HDAC9: variants seen among roughly 807,000 people sequenced by gnomAD.
HDAC9 encodes histone deacetylase 9, also known as MEF-2 interacting transcription repressor (MITR) protein.
A neutral mutation model predicts 139.4 loss-of-function variants in HDAC9; 41 were observed. The ratio of observed to expected loss-of-function variants is 0.29; its 90% CI spans 0.23 to 0.38. The LOEUF (loss-of-function observed/expected upper bound fraction) is 0.38. Among genes scored for constraint, HDAC9 ranks in the 10% least tolerant of loss-of-function variants. HDAC9 has a pLI of 1.00. For synonymous variants in HDAC9, 517 were observed against 476.2 expected (o/e 1.09, Z -1.12); for missense variants, 1,147 against 1,297.0 (o/e 0.88, Z 1.78).
chr7:18,636,901 T>G (rs1258982900), intron 8 of HDAC9, among the ~76,000 whole-genome samples: 1 of 152,046 alleles, frequency 6.6e-6, no homozygotes, highest in African/African-American at 2.4e-5. Flanking sequence ...AAATTTTAGA[T>G]TGTTGTTATC....
intron 1 of HDAC9, among the ~76,000 whole-genome samples, chr7:18,096,400 A>G (rs1379040419): frequency 1.3e-5 from 2 of 152,206 alleles, no homozygotes. Context: ...AAACAACATG[A>G]TGAAAATTTG....
intron 1 of HDAC9, among the ~76,000 whole-genome samples, chr7:18,132,004 T>C (rs1785043840): frequency 6.6e-6 from 1 of 152,188 alleles, no homozygotes; most frequent in East Asian, 1.9e-4. Context: ...GAATCACTGC[T>C]TGTTCTGTGG....
chr7:18,543,663 G>T (rs1383602617), intron 2 of HDAC9: 1 of 151,986 alleles, frequency 6.6e-6, no homozygotes, highest in Non-Finnish European at 1.5e-5. Context: ...TACAGTCTTG[G>T]TGAACAAAAA....
At chr7:18,827,946 C>T (rs187191631) in intron 17 of HDAC9, among the ~76,000 whole-genome samples, 8 of 151,894 alleles carry the variant, frequency 5.3e-5, no homozygotes, top group East Asian at 1.9e-4. Flanking sequence ...ACCATCAGAG[C>T]GATAGTAAGT....
At chr7:18,118,307 A>T (rs17138616) in intron 1 of HDAC9, among the ~76,000 whole-genome samples, 3 of 152,160 alleles carry the variant, frequency 2.0e-5, no homozygotes, top group East Asian at 1.9e-4. Context: ...TGGTTCCTTG[A>T]TGGGAAATAT....
At chr7:18,854,857 A>G (rs1585159970) in intron 21 of HDAC9, among the ~76,000 whole-genome samples, 1 of 152,290 alleles carries the variant, frequency 6.6e-6, no homozygotes, top group Admixed American at 6.5e-5. Flanking sequence ...CATTGACGTT[A>G]TAGCATTAAT....
intron 1 of HDAC9, among the ~76,000 whole-genome samples, chr7:18,113,142 A>G (rs1783738394): frequency 6.6e-6 from 1 of 152,224 alleles, no homozygotes; most frequent in Admixed American, 6.5e-5. Flanking sequence ...AATTAAGTAC[A>G]CGTACATTAA....
At chr7:18,616,018 C>CT (rs1838485706) in intron 6 of HDAC9, among the ~76,000 whole-genome samples, 1 of 152,180 alleles carries the variant, frequency 6.6e-6, no homozygotes, top group African/African-American at 2.4e-5. Context: ...CTTCCGGAGG[C>CT]TGCCTGCAAG....
chr7:18,318,011 C>T (rs1292790276), intron 1 of HDAC9, among the ~76,000 whole-genome samples: 2 of 152,060 alleles, frequency 1.3e-5, no homozygotes, highest in Admixed American at 6.6e-5. Context: ...TAATGGTTGC[C>T]TGTAGGAGCT....
chr7:18,245,363 A>C (rs949378361), intron 2 of HDAC9, among the ~76,000 whole-genome samples: 2 of 152,140 alleles, frequency 1.3e-5, no homozygotes, highest in African/African-American at 4.8e-5. Context: ...ATGTATCTGG[A>C]AGCTCTTAGA....
chr7:18,810,597 T>C (rs930492421), intron 17 of HDAC9, among the ~76,000 whole-genome samples: 4 of 151,950 alleles, frequency 2.6e-5, no homozygotes, highest in East Asian at 3.8e-4. Context: ...TAATGTCTTT[T>C]GACAAATGTC....
intron 22 of HDAC9, 83 bp from the exon 23 acceptor site, chr7:18,935,726 C>G: frequency 1.5e-6 from 2 of 1,311,962 alleles, no homozygotes; most frequent in Non-Finnish European, 2.2e-6. Flanking sequence ...ATGACTTACT[C>G]AAAATACATG....
At chr7:18,489,172 G>A (rs1477564395) in intron 1 of HDAC9, among the ~76,000 whole-genome samples, 1 of 152,012 alleles carries the variant, frequency 6.6e-6, no homozygotes, top group Non-Finnish European at 1.5e-5. Flanking sequence ...CTATGTGCCA[G>A]ACATTATGCT....
chr7:18,743,451 A>T (rs563330440), intron 13 of HDAC9, among the ~76,000 whole-genome samples: 1 of 152,318 alleles, frequency 6.6e-6, no homozygotes, highest in African/African-American at 2.4e-5. Flanking sequence ...ATTTTTAGGC[A>T]TTATATCATT....
chr7:18,677,552 G>T (rs1229330583), intron 12 of HDAC9, among the ~76,000 whole-genome samples: 1 of 151,826 alleles, frequency 6.6e-6, no homozygotes, highest in African/African-American at 2.4e-5. Context: ...ATAGGAAGCT[G>T]CCAAATTATT....
chr7:18,541,242 G>T (rs1405556849), intron 2 of HDAC9, among the ~76,000 whole-genome samples: 1 of 132,434 alleles, frequency 7.6e-6, no homozygotes, highest in Non-Finnish European at 1.6e-5. Context: ...CTTCCAGTTG[G>T]CACCTTGCCC....
chr7:18,187,079 C>T (rs1003945787), intron 2 of HDAC9, among the ~76,000 whole-genome samples: 1 of 152,122 alleles, frequency 6.6e-6, no homozygotes, highest in African/African-American at 2.4e-5. Context: ...AGAATTATAG[C>T]AGTAATAATT....
At chr7:18,874,355 T>A in intron 21 of HDAC9, 123 bp from the exon 22 acceptor site, 1 of 544,036 alleles carries the variant, frequency 1.8e-6, no homozygotes, top group Non-Finnish European at 3.4e-6. Context: ...TCAAATAATG[T>A]TTTTATTCCC....
chr7:18,344,419 G>A (rs1782245082), intron 1 of HDAC9, among the ~76,000 whole-genome samples: 1 of 151,934 alleles, frequency 6.6e-6, no homozygotes, highest in African/African-American at 2.4e-5. Flanking sequence ...TATTGGCCAA[G>A]TAGCACAGAA....
Sources: gnomAD v4.1 joint callset for allele counts (sites outside exome capture counted in the v4.1 genomes callset) on GRCh38, gnomAD v4.1.1 for gene constraint, MANE v1.5 for transcripts, NCBI Gene and HGNC (gene_info 2026-07-23, HGNC 2026-07-21) for gene names.